The following RPS6KB1 variants were observed in gnomAD, a reference collection of about 807,000 sequenced individuals.
RPS6KB1 encodes the protein ribosomal protein S6 kinase B1, also known as ribosomal protein S6 kinase beta-1.
Under a neutral mutation model 70.2 loss-of-function variants are expected in RPS6KB1, and 12 were observed. That is an observed-to-expected ratio of 0.17 (90% CI 0.11 to 0.28). The LOEUF is 0.28. RPS6KB1 is among the 10% of genes least tolerant of loss of function. The probability of loss-of-function intolerance (pLI) is 1.00; values close to 1 mark genes in which losing one functional copy is unlikely to be tolerated. For missense variants in RPS6KB1, 270 were observed against 646.6 expected, an observed-to-expected ratio of 0.42 and a Z score of 6.32; for synonymous variants, 175 against 211.2, an observed-to-expected ratio of 0.83 and a Z score of 1.49.
chr17:59,945,476 G>A lies in RPS6KB1; in HGVS notation c.1298G>A (p.Arg433Gln), dbSNP rs1419564659. 1.9e-6 allele frequency: 3 copies of A among 1,611,936 alleles called. No homozygotes were observed. Among genetic ancestry groups the A allele is most frequent in the Admixed American group, 1.7e-5 (1 of 60,008 alleles). ...AAGTTTTCCTTTGAACCAAAAATCC[G>A]ATCACCTCGAAGATTTATTGGCAGC... ...KEKFSFEPKI[R>Q]SPRRFIGSPR... The change falls in exon 14 of 15, where the codon CGA becomes CAA. Residue 433 changes from arginine (R) to glutamine (Q), a missense_variant. By Grantham distance (43) the Arg-to-Gln change is conservative. Coordinates refer to ENST00000225577, the MANE Select transcript of RPS6KB1 (RefSeq NM_003161.4).
chr17:59,930,303 G>T, intron 6 of RPS6KB1, 129 bp downstream of exon 6: 1 of 728,242 alleles, frequency 1.4e-6, no homozygotes, highest in Non-Finnish European at 2.5e-6. Context: ...TCAAGGGGGA[G>T]AAGCAGTTTT....
chr17:59,946,100 C>G lies in RPS6KB1; in HGVS notation c.1341-451C>G, dbSNP rs898352592. Among the ~76,000 whole-genome samples, 2 of 152,012 alleles carry G rather than the reference C, an allele frequency of 1.3e-5. No individual in the cohort carries two copies. The highest frequency in any genetic ancestry group is 2.9e-5 in the Non-Finnish European group (2 of 68,028). On this transcript the variant is annotated intron_variant, in intron 14 of 14. Transcript: ENST00000225577. The surrounding 1 kb of genome is among the most constrained non-coding windows in gnomAD (Gnocchi z 4.2). ...AAAAATAGGAGGTATAAGAATGTTG[C>G]AGGCAGAAGAACAGCAAATGCAAAA...
At position 59,947,151 on chromosome 17, in the gene RPS6KB1, C is replaced by A. The variant is rs549433144; in HGVS notation, c.*363C>A. The A allele has an allele frequency of 9.4e-7, 1 of 1,063,844 alleles. No homozygotes were observed. Among genetic ancestry groups the A allele is most frequent in the South Asian group, 3.7e-5 (1 of 26,826 alleles). 65.9% of individuals were successfully genotyped at this position (1,063,844 alleles called of 1,614,324 possible). On this transcript the variant is annotated 3_prime_UTR_variant, in exon 15 of 15. Transcript: ENST00000225577. Reference sequence around the variant, plus strand: ...TTGTGTTGAAGAAGGGTTATCCTTTCATTAGGCAAAGTACAAAATTGCCTA... The same window carrying A: ...TTGTGTTGAAGAAGGGTTATCCTTTAATTAGGCAAAGTACAAAATTGCCTA...
At position 59,949,298 on chromosome 17, in the gene RPS6KB1, A is replaced by G. The variant is rs2045090904; in HGVS notation, c.*2510A>G. On this transcript the variant is annotated 3_prime_UTR_variant, in exon 15 of 15. Transcript: ENST00000225577. ...CAGACAGAAAGCACACACCTATGCA[A>G]TATGGCTTATCTATATTTATTTGTA... 1 of 152,660 alleles carries G rather than the reference A, an allele frequency of 6.6e-6. No individual in the cohort carries two copies. Among genetic ancestry groups the G allele is most frequent in the Admixed American group, 6.5e-5 (1 of 15,282 alleles). 9.5% of individuals were successfully genotyped at this position (152,660 alleles called of 1,614,324 possible). A position where few individuals can be genotyped will look rare whatever the true frequency, so the allele number is the denominator to read the frequency against.
chr17:59,906,066 T>A (rs894229287), intron 1 of RPS6KB1, among the ~76,000 whole-genome samples: 1 of 152,196 alleles, frequency 6.6e-6, no homozygotes, highest in Non-Finnish European at 1.5e-5. Context: ...GCATCATTAT[T>A]TGATTTGTAT....
At chr17:59,894,063 T>G (rs1327855409) in intron 1 of RPS6KB1, 1 of 667,952 alleles carries the variant, frequency 1.5e-6, no homozygotes, top group Non-Finnish European at 1.9e-6. Context: ...AATGTAATTT[T>G]GAGGTGGAAA....
chr17:59,927,935 G>A lies in RPS6KB1; in HGVS notation c.529+1353G>A, dbSNP rs55881138. Among the ~76,000 whole-genome samples, 536 of 151,852 alleles carry A rather than the reference G, an allele frequency of 3.5e-3. 12 individuals carry two copies. Among genetic ancestry groups the A allele is most frequent in the Admixed American group, 0.024 (364 of 15,244 alleles). On this transcript the variant is annotated intron_variant, in intron 5 of 14. Transcript: ENST00000225577. Reference sequence around the variant, plus strand: ...AGCACTTTGGGAGGCCAAGGTGGGCGGATCATGAGGTCAGGAGTTTGAGAC... The same window carrying A: ...AGCACTTTGGGAGGCCAAGGTGGGCAGATCATGAGGTCAGGAGTTTGAGAC...
At position 59,947,262 on chromosome 17, in the gene RPS6KB1, C is replaced by G. The variant is rs2044980803; in HGVS notation, c.*474C>G. ...TGGAAGCAAAGACAAAAGAAACTTA[C>G]CAATTGATGTTTTACGTGCAAACAA... On this transcript the variant is annotated 3_prime_UTR_variant, in exon 15 of 15. Coordinates refer to ENST00000225577, the MANE Select transcript of RPS6KB1 (RefSeq NM_003161.4). The G allele has an allele frequency of 9.7e-7, 1 of 1,025,992 alleles. No individual in the cohort carries two copies. The highest frequency in any genetic ancestry group is 1.2e-6 in the Non-Finnish European group (1 of 853,824). The allele number at this position is 1,025,992 out of a possible 1,614,324, so 63.6% of individuals were successfully genotyped here.
At chr17:59,912,889 C>T in intron 3 of RPS6KB1, 85 bp downstream of exon 3, 2 of 1,415,140 alleles carry the variant, frequency 1.4e-6, no homozygotes, top group South Asian at 2.4e-5. Context: ...CATCTTCAGT[C>T]TTTGTCAGCT....
intron 1 of RPS6KB1, among the ~76,000 whole-genome samples, chr17:59,898,630 T>A (rs1313818573): frequency 6.6e-6 from 1 of 151,638 alleles, no homozygotes; most frequent in Admixed American, 6.6e-5. Flanking sequence ...ATTTTTTGTA[T>A]TTTTTTGGTA....
intron 1 of RPS6KB1, among the ~76,000 whole-genome samples, chr17:59,897,362 A>G (rs2041624529): frequency 6.6e-6 from 1 of 152,242 alleles, no homozygotes; most frequent in Non-Finnish European, 1.5e-5. Flanking sequence ...TAGCTAGTTC[A>G]CAGAAATTCA....
At position 59,946,604 on chromosome 17, in the gene RPS6KB1, C is replaced by T; in HGVS notation, c.1394C>T (p.Thr465Ile). The change falls in exon 15 of 15, where the codon ACA (threonine) becomes ATA (isoleucine). Residue 465 changes from threonine (T) to isoleucine (I), a missense_variant. Thr to Ile is a moderately conservative substitution (Grantham distance 89). Around this residue, in one of 4 missense-constraint regions of RPS6KB1, gnomAD observed 133 missense variants for 314.7 expected, o/e 0.42. Transcript: ENST00000225577. This position sits in a 1 kb window ranked among gnomAD's most constrained non-coding sequence, Gnocchi z 4.2. ...TGGGGAAGAGGTGCTTCGGCCAGCA[C>T]AGCAAATCCTCAGACACCTGTGGAA... is the stretch of plus-strand genomic sequence containing the variant. ...DFWGRGASASTANPQTPVEYP... is the reference protein window; with the variant it reads ...DFWGRGASASIANPQTPVEYP... 6.2e-7 allele frequency: 1 copy of T among 1,614,142 alleles called. No homozygotes were observed. Among genetic ancestry groups the T allele is most frequent in the South Asian group, 1.1e-5 (1 of 91,076 alleles).
intron 4 of RPS6KB1, among the ~76,000 whole-genome samples, chr17:59,925,655 C>T (rs985893268): frequency 1.5e-4 from 23 of 152,162 alleles, no homozygotes; most frequent in Admixed American, 1.1e-3. Context: ...TTTGCCCAGA[C>T]GTTCCATTTC....
At chr17:59,901,527 C>T (rs943909449) in intron 1 of RPS6KB1, among the ~76,000 whole-genome samples, 18 of 147,308 alleles carry the variant, frequency 1.2e-4, no homozygotes, top group Admixed American at 1.2e-3. Context: ...TGGTGGCTTA[C>T]GCCTGTAATC....
chr17:59,901,530 C>T (rs977875902), intron 1 of RPS6KB1, among the ~76,000 whole-genome samples: 5 of 149,178 alleles, frequency 3.4e-5, no homozygotes, highest in Admixed American at 2.0e-4. Context: ...TGGCTTACGC[C>T]TGTAATCCCA....
intron 5 of RPS6KB1, among the ~76,000 whole-genome samples, chr17:59,928,442 G>T (rs1382607393): frequency 2.6e-5 from 4 of 151,198 alleles, no homozygotes; most frequent in Non-Finnish European, 4.4e-5. Flanking sequence ...GTGCAGTGGT[G>T]CAATCTTGGG....
intron 2 of RPS6KB1, chr17:59,912,483 G>C: frequency 4.1e-6 from 2 of 484,358 alleles, no homozygotes; most frequent in East Asian, 6.8e-5. Context: ...CCCATTCTAT[G>C]AACAAGGAGG....
chr17:59,927,775 G>C (rs994136082), intron 5 of RPS6KB1, among the ~76,000 whole-genome samples: 1 of 151,654 alleles, frequency 6.6e-6, no homozygotes, highest in African/African-American at 2.4e-5. Flanking sequence ...CCAAAGTGCT[G>C]GGATTACAAG....
chr17:59,909,804 G>A (rs1473830218), intron 1 of RPS6KB1, among the ~76,000 whole-genome samples: 4 of 151,902 alleles, frequency 2.6e-5, no homozygotes, highest in Non-Finnish European at 5.9e-5. Context: ...ACAAGGTCAG[G>A]AGATCAAGAC....
Sources: gnomAD v4.1 joint callset for allele counts (sites outside exome capture counted in the v4.1 genomes callset) on GRCh38, gnomAD v4.1.1 for gene constraint, gnomAD v4.1.1 regional missense constraint, Gnocchi (gnomAD v3.1) non-coding constraint, MANE v1.5 for transcripts, NCBI Gene and HGNC (gene_info 2026-07-23, HGNC 2026-07-21) for gene names.